The following STK32B variants were observed in gnomAD, a reference collection of about 807,000 sequenced individuals.
STK32B encodes the protein serine/threonine-protein kinase 32B.
In STK32B, 43 loss-of-function variants were observed where a neutral mutation model predicts 52.6. The observed-to-expected ratio is 0.82, with a 90% CI of 0.64 to 1.05. The LOEUF is 1.05. STK32B is among the 50% of genes least tolerant of loss of function. The pLI, the probability that STK32B is intolerant of heterozygous loss-of-function variation, is 0.00. For missense variants in STK32B, 621 were observed against 534.6 expected, an observed-to-expected ratio of 1.16 and a Z score of -1.59; for synonymous variants, 238 against 204.3, an observed-to-expected ratio of 1.17 and a Z score of -1.41.
At chr4:5,289,496 T>C (rs759336322) in intron 3 of STK32B, among the ~76,000 whole-genome samples, 2 of 152,050 alleles carry the variant, frequency 1.3e-5, no homozygotes, top group African/African-American at 4.8e-5. Flanking sequence ...CCAATAAATA[T>C]ATAAATATAT....
chr4:5,200,076 C>T (rs973434925), intron 3 of STK32B, among the ~76,000 whole-genome samples: 1 of 152,120 alleles, frequency 6.6e-6, no homozygotes, highest in Non-Finnish European at 1.5e-5. Context: ...CACTAGCTGC[C>T]AGGCCTCAGA....
chr4:5,120,014 GA>G (rs553603231), intron 1 of STK32B, among the ~76,000 whole-genome samples: 45 of 152,294 alleles, frequency 3.0e-4, no homozygotes, highest in African/African-American at 1.0e-3. Flanking sequence ...ATATTAAATG[GA>G]AAATTTCAGA....
rs370393569 is a variant in STK32B, at chr4:5,433,532, G to A, written c.563-13141G>A. On this transcript the variant is annotated intron_variant, in intron 6 of 11. Transcript: ENST00000282908. The stretch of plus-strand genomic sequence containing the variant: ...TTGGGTTCTAGTCCCAGCTGGGCCA[G>A]AAGTCATTTAACTCCTCCATTCGGA... Among the ~76,000 whole-genome samples, 14 of 152,302 alleles carry A rather than the reference G, an allele frequency of 9.2e-5. 1 individual carries two copies. In the South Asian group the frequency reaches 1.9e-3, roughly 20 times the overall value.
At chr4:5,247,659 G>A (rs182505579) in intron 3 of STK32B, among the ~76,000 whole-genome samples, 67 of 152,232 alleles carry the variant, frequency 4.4e-4, no homozygotes, top group Non-Finnish European at 7.6e-4. Flanking sequence ...CATCTTCTGC[G>A]TCGCTCATGC....
At chr4:5,277,518 G>C (rs571605780) in intron 3 of STK32B, among the ~76,000 whole-genome samples, 2 of 152,186 alleles carry the variant, frequency 1.3e-5, no homozygotes, top group Non-Finnish European at 2.9e-5. Flanking sequence ...TTCTTTGTTT[G>C]CTTATGAATG....
chr4:5,316,892 T>G (rs1385977334), intron 3 of STK32B, among the ~76,000 whole-genome samples: 2 of 6,160 alleles, frequency 3.2e-4, no homozygotes, highest in East Asian at 0.012. Context: ...TTATATATAT[T>G]ATATATAATA....
chr4:5,156,651 C>T (rs950309255), intron 2 of STK32B, among the ~76,000 whole-genome samples: 45 of 152,288 alleles, frequency 3.0e-4, no homozygotes, highest in African/African-American at 1.0e-3. Flanking sequence ...AAAGTGTCTT[C>T]TTGGATTGGC....
rs548939505 is a variant in STK32B at position 5,210,826 on chromosome 4, C to A, written c.260+42376C>A. 2.1e-3 allele frequency among the ~76,000 whole-genome samples: 317 copies of A among 149,164 alleles called. 2 individuals are homozygous for A. The highest frequency in any genetic ancestry group is 7.6e-3 in the African/African-American group (307 of 40,234). On this transcript the variant is annotated intron_variant, in intron 3 of 11. Transcript: ENST00000282908. ...TTTTTTTTTTTTTGAGACAAAGTCT[C>A]CCTCTATGCCCCAGGCTGGAATGCA... is the stretch of plus-strand genomic sequence containing the variant.
intron 5 of STK32B, among the ~76,000 whole-genome samples, chr4:5,410,377 T>C (rs115569896): frequency 5.3e-5 from 8 of 151,734 alleles, no homozygotes; most frequent in African/African-American, 2.0e-4. Context: ...AATTCAAGAA[T>C]GATGAAAGTG....
intron 6 of STK32B, among the ~76,000 whole-genome samples, chr4:5,428,021 A>G (rs974739368): frequency 2.0e-5 from 3 of 151,960 alleles, no homozygotes; most frequent in African/African-American, 7.3e-5. Context: ...ATTTTCCTCC[A>G]TAAGCATTTA....
intron 3 of STK32B, among the ~76,000 whole-genome samples, chr4:5,304,164 C>T (rs189352079): frequency 3.7e-4 from 56 of 152,088 alleles, no homozygotes; most frequent in African/African-American, 1.3e-3. Context: ...TATGCAGGCT[C>T]TTTTTTGATT....
intron 2 of STK32B, among the ~76,000 whole-genome samples, chr4:5,151,614 C>T (rs10018429): frequency 0.32 from 49,128 of 151,874 alleles, 9,329 homozygotes; most frequent in Non-Finnish European, 0.43. Flanking sequence ...AATTTACTCA[C>T]ATTTAAAATA....
intron 3 of STK32B, among the ~76,000 whole-genome samples, chr4:5,206,760 C>T (rs756052505): frequency 3.3e-5 from 5 of 152,172 alleles, no homozygotes; most frequent in Non-Finnish European, 4.4e-5. Context: ...TCTGCACCCA[C>T]GAAGACAAAG....
At chr4:5,092,608 G>A (rs994037020) in intron 1 of STK32B, among the ~76,000 whole-genome samples, 2 of 152,094 alleles carry the variant, frequency 1.3e-5, no homozygotes, top group African/African-American at 2.4e-5. Flanking sequence ...ATTGGCTCAC[G>A]GTTCTGCAGG....
In STK32B at chr4:5,448,333, C is replaced by T. The variant is rs114140478; in HGVS notation, c.666+1557C>T. On this transcript the variant is annotated intron_variant, in intron 7 of 11. Coordinates refer to ENST00000282908, the MANE Select transcript of STK32B (RefSeq NM_018401.3). ...CAGGTGCCTGTGTGGTGTTCCTGCT[C>T]GGTTCGTTTCCTGTTAGCTGTTTCC... Among the ~76,000 whole-genome samples, 1,489 of 152,294 alleles carry T rather than the reference C, an allele frequency of 9.8e-3. 33 individuals carry two copies. Among genetic ancestry groups the T allele is most frequent in the African/African-American group, 0.034 (1,400 of 41,574 alleles).
intron 3 of STK32B, among the ~76,000 whole-genome samples, chr4:5,238,442 A>T (rs1315428458): frequency 2.6e-5 from 4 of 151,984 alleles, no homozygotes; most frequent in Non-Finnish European, 5.9e-5. Flanking sequence ...GAATGATCTC[A>T]TCTCAAGATC....
At chr4:5,178,783 A>G (rs1425854685) in intron 3 of STK32B, among the ~76,000 whole-genome samples, 1 of 152,112 alleles carries the variant, frequency 6.6e-6, no homozygotes, top group African/African-American at 2.4e-5. Context: ...TCTCATCTCC[A>G]TCTGAGACTA....
chr4:5,249,373 T>G (rs1345022343), intron 3 of STK32B, among the ~76,000 whole-genome samples: 1 of 152,174 alleles, frequency 6.6e-6, no homozygotes, highest in Non-Finnish European at 1.5e-5. Context: ...AATACATAGA[T>G]TAGTGAATGA....
chr4:5,225,138 G>A (rs2108800211), intron 3 of STK32B, among the ~76,000 whole-genome samples: 1 of 152,138 alleles, frequency 6.6e-6, no homozygotes, highest in East Asian at 1.9e-4. Context: ...TAAAAACTGG[G>A]CCAGGCACAG....
Sources: allele counts gnomAD v4.1 joint callset (sites outside exome capture counted in the v4.1 genomes callset), GRCh38; gene constraint gnomAD v4.1.1; transcripts MANE v1.5; gene names NCBI Gene and HGNC (gene_info 2026-07-23, HGNC 2026-07-21).